The following OSBPL6 variants were observed in gnomAD, a reference collection of about 807,000 sequenced individuals.
OSBPL6 encodes the protein oxysterol-binding protein-related protein 6.
OSBPL6 carries 49 observed loss-of-function variants against 125.8 expected under a neutral mutation model. The observed-to-expected ratio is 0.39, with a 90% CI of 0.31 to 0.49. OSBPL6 has a LOEUF of 0.49. OSBPL6 is among the 20% of genes least tolerant of loss of function. The probability of loss-of-function intolerance (pLI) is 0.88; values close to 1 mark genes in which losing one functional copy is unlikely to be tolerated. For synonymous variants in OSBPL6, 394 were observed against 391.8 expected (o/e 1.01, Z -0.07); for missense variants, 986 against 1,135.4 (o/e 0.87, Z 1.89).
intron 1 of OSBPL6, among the ~76,000 whole-genome samples, chr2:178,250,968 A>G (rs892355022): frequency 2.6e-5 from 4 of 152,146 alleles, no homozygotes; most frequent in South Asian, 2.1e-4. Context: ...TAAAAAAAAA[A>G]AAAGAAAAGA....
intron 8 of OSBPL6, among the ~76,000 whole-genome samples, 180 bp from the exon 9 acceptor site, chr2:178,336,121 G>A (rs912972436): frequency 2.0e-5 from 3 of 152,220 alleles, no homozygotes; most frequent in Non-Finnish European, 4.4e-5. Context: ...ATGAGGGGTT[G>A]CTGTTTAGGA....
chr2:178,265,502 A>G (rs1275331560), intron 1 of OSBPL6, among the ~76,000 whole-genome samples: 2 of 152,004 alleles, frequency 1.3e-5, no homozygotes, highest in East Asian at 3.9e-4. Flanking sequence ...GTGCAGGCCA[A>G]CGTGCCAGCT....
intron 8 of OSBPL6, among the ~76,000 whole-genome samples, chr2:178,335,830 C>T (rs1428776445): frequency 6.6e-6 from 1 of 152,030 alleles, no homozygotes; most frequent in Non-Finnish European, 1.5e-5. Flanking sequence ...TAAATAATTT[C>T]CAATACGAAT....
chr2:178,253,045 G>T (rs1202099588), intron 1 of OSBPL6, among the ~76,000 whole-genome samples: 1 of 151,942 alleles, frequency 6.6e-6, no homozygotes, highest in African/African-American at 2.4e-5. Context: ...TTTTGAGAAG[G>T]AGTTTCATTC....
At chr2:178,223,499 G>T (rs1027806542) in intron 1 of OSBPL6, among the ~76,000 whole-genome samples, 15 of 152,144 alleles carry the variant, frequency 9.9e-5, no homozygotes, top group African/African-American at 2.9e-4. Flanking sequence ...TATATCTTTC[G>T]ATATTGGCTC....
At chr2:178,300,970 C>CA (rs915882148) in intron 2 of OSBPL6, among the ~76,000 whole-genome samples, 24 of 151,626 alleles carry the variant, frequency 1.6e-4, no homozygotes, top group African/African-American at 5.8e-4. Flanking sequence ...AAAGAAGAAC[C>CA]AAAAAAATAG....
intron 11 of OSBPL6, among the ~76,000 whole-genome samples, chr2:178,347,974 G>A (rs947692227): frequency 6.6e-6 from 1 of 152,150 alleles, no homozygotes; most frequent in African/African-American, 2.4e-5. Context: ...TCCCTGCCAG[G>A]ACAATGCTGC....
chr2:178,298,031 A>G (rs1685918742), intron 2 of OSBPL6, among the ~76,000 whole-genome samples: 1 of 152,120 alleles, frequency 6.6e-6, no homozygotes, highest in Non-Finnish European at 1.5e-5. Context: ...CCTCCTCCTT[A>G]CAGACCCTGA....
chr2:178,379,182 G>A (rs562484289), intron 15 of OSBPL6, among the ~76,000 whole-genome samples: 7 of 147,848 alleles, frequency 4.7e-5, no homozygotes, highest in South Asian at 2.1e-4. Context: ...AAAAAAGAAC[G>A]AAGGAACGAA....
chr2:178,378,873 T>C (rs1694138058), intron 15 of OSBPL6, among the ~76,000 whole-genome samples: 2 of 152,042 alleles, frequency 1.3e-5, no homozygotes, highest in South Asian at 4.1e-4. Flanking sequence ...AGATTAGAAA[T>C]TGAAGAGGAA....
chr2:178,285,945 G>A (rs543453361), intron 2 of OSBPL6, among the ~76,000 whole-genome samples: 24 of 152,146 alleles, frequency 1.6e-4, no homozygotes, highest in African/African-American at 9.7e-5. Context: ...TGCCATTCCC[G>A]CCCTTTCCTA....
intron 1 of OSBPL6, among the ~76,000 whole-genome samples, chr2:178,216,663 T>C (rs1371110281): frequency 6.6e-6 from 1 of 152,232 alleles, no homozygotes; most frequent in Non-Finnish European, 1.5e-5. Flanking sequence ...GAATGGAGGC[T>C]TGAGGAACAG....
At chr2:178,198,569 G>A (rs901423383) in intron 1 of OSBPL6, among the ~76,000 whole-genome samples, 19 of 148,616 alleles carry the variant, frequency 1.3e-4, no homozygotes, top group African/African-American at 4.2e-4. Flanking sequence ...GCAGTGAGCC[G>A]AGATTGCACC....
upstream of OSBPL6, among the ~76,000 whole-genome samples, chr2:178,193,945 T>C (rs890797496): frequency 6.6e-6 from 1 of 152,120 alleles, no homozygotes; most frequent in African/African-American, 2.4e-5. Flanking sequence ...GTCGCGTAAG[T>C]GTATGAAATG....
intron 1 of OSBPL6, among the ~76,000 whole-genome samples, chr2:178,272,607 G>A (rs898743204): frequency 6.6e-6 from 1 of 152,098 alleles, no homozygotes; most frequent in African/African-American, 2.4e-5. Context: ...GTCGGTAAAT[G>A]CCCTGGGAGT....
Position 178,349,154 on chromosome 2 carries a change from T to C in OSBPL6, c.988-70T>C. 2.0e-6 allele frequency: 3 copies of C among 1,468,970 alleles called. No individual in the cohort carries two copies. In the South Asian group the frequency reaches 3.4e-5, roughly 17 times the overall value. The allele number at this position is 1,468,970 out of a possible 1,614,324, so 91.0% of individuals were successfully genotyped here. A position where few individuals can be genotyped will look rare whatever the true frequency, so the allele number is the denominator to read the frequency against. ...CTATTATTTTGAAGAACGGGAGAGG[T>C]CTTTTCTATGTAGGAGAATGTGAAA... On this transcript the variant is annotated intron_variant, in intron 11 of 24. Transcript: ENST00000190611.
chr2:178,257,799 CTTT>C (rs34246883), intron 1 of OSBPL6, among the ~76,000 whole-genome samples: 1 of 143,576 alleles, frequency 7.0e-6, no homozygotes. Context: ...TTTTTAATTC[CTTT>C]TTTTTTTTTT....
intron 1 of OSBPL6, among the ~76,000 whole-genome samples, chr2:178,210,919 C>G (rs1243944152): frequency 1.3e-5 from 2 of 151,948 alleles, no homozygotes; most frequent in Non-Finnish European, 2.9e-5. Flanking sequence ...ACCCAAGCTA[C>G]TCATTCTTGC....
chr2:178,245,702 A>C (rs1175117305), intron 1 of OSBPL6, among the ~76,000 whole-genome samples: 1 of 152,156 alleles, frequency 6.6e-6, no homozygotes, highest in Non-Finnish European at 1.5e-5. Flanking sequence ...TGATCCTCAC[A>C]ACAAGCCTTT....
Sources: gnomAD v4.1 joint callset for allele counts (sites outside exome capture counted in the v4.1 genomes callset) on GRCh38, gnomAD v4.1.1 for gene constraint, MANE v1.5 for transcripts, NCBI Gene and HGNC (gene_info 2026-07-23, HGNC 2026-07-21) for gene names.